DGKA: variants seen among roughly 807,000 people sequenced by gnomAD.
DGKA encodes 80 kDa diacylglycerol kinase.
A neutral mutation model predicts 105.0 loss-of-function variants in DGKA; 35 were observed. The ratio of observed to expected loss-of-function variants is 0.33; its 90% CI spans 0.25 to 0.44. The LOEUF is 0.44. DGKA is among the 20% of genes least tolerant of loss of function. The pLI is 1.00. For missense variants in DGKA, 665 were observed against 915.0 expected (o/e 0.73, Z 3.53); for synonymous variants, 296 against 332.0 (o/e 0.89, Z 1.18).
At position 55,932,288 on chromosome 12, in the gene DGKA, G is replaced by T. The variant is rs2136283304; in HGVS notation, c.-82+944G>T. ...GAAGGGTCTGCGCTGGGACGCGGGG[G>T]TGCAGCGGGAGGGCTGGGCCCGAAC... On this transcript the variant is annotated intron_variant, in intron 1 of 23. Transcript: ENST00000331886. This position sits in a 1 kb window ranked among gnomAD's most constrained non-coding sequence, Gnocchi z 4.3. 7.5e-6 allele frequency: 4 copies of T among 530,398 alleles called. No homozygotes were observed. The highest frequency in any genetic ancestry group is 3.2e-5 in the East Asian group (1 of 30,790). The allele number at this position is 530,398 out of a possible 1,614,324, so 32.9% of individuals were successfully genotyped here.
chr12:55,953,866 C>A lies in DGKA; in HGVS notation c.*98C>A. 2 of 1,066,422 alleles carry A rather than the reference C, an allele frequency of 1.9e-6. No individual in the cohort carries two copies. The highest frequency in any genetic ancestry group is 1.4e-6 in the Non-Finnish European group (1 of 706,666). 66.1% of individuals were successfully genotyped at this position (1,066,422 alleles called of 1,614,324 possible). A position where few individuals can be genotyped will look rare whatever the true frequency, so the allele number is the denominator to read the frequency against. On this transcript the variant is annotated 3_prime_UTR_variant, in exon 24 of 24. Coordinates refer to ENST00000331886, the MANE Select transcript of DGKA (RefSeq NM_001345.5). Reference sequence around the variant, plus strand: ...GTACATTGCTGCCACATACTCCTGCCAGCTTGGGGGAGTGTTCCTTCACCC... The same window carrying A: ...GTACATTGCTGCCACATACTCCTGCAAGCTTGGGGGAGTGTTCCTTCACCC...
chr12:55,936,669 G>A (rs769211801), intron 2 of DGKA, 102 bp downstream of exon 2: 22 of 1,514,076 alleles, frequency 1.5e-5, no homozygotes, highest in Non-Finnish European at 2.0e-5. Flanking sequence ...CAGTGGCTTT[G>A]AGCAGTGTGC....
intron 5 of DGKA, 89 bp from the exon 6 acceptor site, chr12:55,938,422 C>T: frequency 1.9e-6 from 3 of 1,549,686 alleles, no homozygotes; most frequent in Non-Finnish European, 2.7e-6. Context: ...AAAGCTCTCT[C>T]CCTGTCTCTT....
At position 55,952,895 on chromosome 12, in the gene DGKA, C is replaced by T. The variant is rs142280329; in HGVS notation, c.1905C>T (p.Val635=). The change falls in exon 21 of 24, where the codon GTC becomes GTT. Residue 635 remains valine (V), a synonymous_variant. Coordinates refer to ENST00000331886, the MANE Select transcript of DGKA (RefSeq NM_001345.5). The surrounding 1 kb of genome is among the most constrained non-coding windows in gnomAD (Gnocchi z 5.1). ...INQALGATAK[V]ITDPDILKTC... Reference sequence around the variant, plus strand: ...AGGCCTTAGGTGCTACAGCTAAAGTCATCACCGACCCTGATATCCTGAAAA... The same window carrying T: ...AGGCCTTAGGTGCTACAGCTAAAGTTATCACCGACCCTGATATCCTGAAAA... 2.9e-4 allele frequency: 467 copies of T among 1,614,168 alleles called. 6 individuals carry two copies. The Admixed American group carries it at 7.2e-3, about 25-fold the overall frequency.
Position 55,953,822 on chromosome 12 carries a change from A to C in DGKA, c.*54A>C. On this transcript the variant is annotated 3_prime_UTR_variant, in exon 24 of 24. Coordinates refer to ENST00000331886, the MANE Select transcript of DGKA (RefSeq NM_001345.5). Reference sequence around the variant, plus strand: ...CTTGAACCCACCTCCCTGTCCCTGGACTCTACTCCCGAGGCTCTGTACATT... The same window carrying C: ...CTTGAACCCACCTCCCTGTCCCTGGCCTCTACTCCCGAGGCTCTGTACATT... 1 of 1,511,982 alleles carries C rather than the reference A, an allele frequency of 6.6e-7. No individual in the cohort carries two copies. 93.7% of individuals were successfully genotyped at this position (1,511,982 alleles called of 1,614,324 possible). A position where few individuals can be genotyped will look rare whatever the true frequency, so the allele number is the denominator to read the frequency against.
In DGKA at chr12:55,951,684, T is replaced by C. The variant is rs778034102; in HGVS notation, c.1488T>C (p.His496=). The C allele has an allele frequency of 6.2e-7, 1 of 1,613,984 alleles. No homozygotes were observed. Among genetic ancestry groups the C allele is most frequent in the Non-Finnish European group, 8.5e-7 (1 of 1,180,008 alleles). The change falls in exon 18 of 24, where the codon CAT becomes CAC. Residue 496 remains histidine (H), a synonymous_variant. Transcript: ENST00000331886. The part of the protein sequence containing the change: ...LKDLEMSKVV[H]MDRWSVEVIP... ...ATTTAGAGATGAGTAAAGTGGTACATATGGATCGATGGTCTGTGGAGGTGA... is the reference window on the plus strand; with the variant it reads ...ATTTAGAGATGAGTAAAGTGGTACACATGGATCGATGGTCTGTGGAGGTGA...
Position 55,941,344 on chromosome 12 carries a change from G to A in DGKA, c.1175+19G>A, listed in dbSNP as rs944012833. ...GGCAAAGGTGAGGAGAAATATATTGGGTCTTCTAAGATGAGAGGCAGGGCC... is the reference window on the plus strand; with the variant it reads ...GGCAAAGGTGAGGAGAAATATATTGAGTCTTCTAAGATGAGAGGCAGGGCC... On this transcript the variant is annotated intron_variant, in intron 14 of 23. Coordinates refer to ENST00000331886, the MANE Select transcript of DGKA (RefSeq NM_001345.5). 1.7e-5 allele frequency: 28 copies of A among 1,611,470 alleles called. No individual in the cohort carries two copies. Among genetic ancestry groups the A allele is most frequent in the East Asian group, 6.7e-5 (3 of 44,842 alleles).
intron 22 of DGKA, 34 bp from the exon 23 acceptor site, chr12:55,953,316 A>G (rs1888539384): frequency 1.2e-6 from 2 of 1,613,088 alleles, no homozygotes; most frequent in African/African-American, 1.3e-5. Flanking sequence ...TTCGATTGGT[A>G]AGGAAATCAC....
upstream of DGKA, chr12:55,927,753 A>G (rs528602135): frequency 6.5e-7 from 1 of 1,539,644 alleles, no homozygotes; most frequent in South Asian, 1.2e-5. Context: ...GGCTGCCGGC[A>G]GCTTCCATGG....
At chr12:55,943,076 A>G (rs897493361) in intron 17 of DGKA, among the ~76,000 whole-genome samples, 1 of 152,170 alleles carries the variant, frequency 6.6e-6, no homozygotes, top group African/African-American at 2.4e-5. Flanking sequence ...GGTTATGAAT[A>G]CTGTGCCAGG....
intron 2 of DGKA, 102 bp downstream of exon 2, chr12:55,936,669 G>T: frequency 6.6e-7 from 1 of 1,514,194 alleles, no homozygotes; most frequent in South Asian, 1.1e-5. Context: ...CAGTGGCTTT[G>T]AGCAGTGTGC....
Position 55,952,826 on chromosome 12 carries a change from G to C in DGKA, c.1836G>C (p.Trp612Cys). The C allele has an allele frequency of 6.2e-7, 1 of 1,614,124 alleles. No individual in the cohort carries two copies. Among genetic ancestry groups the C allele is most frequent in the Admixed American group, 1.7e-5 (1 of 60,016 alleles). ...GCATGCATGGTGGCTCCAACCTCTG[G>C]GGTGATACCAGGAGACCCCATGGGG... ...IPSMHGGSNL[W>C]GDTRRPHGDI... Residue 612 changes from tryptophan to cysteine, a missense_variant, in exon 21 of 24, where the codon TGG (tryptophan) becomes TGC (cysteine). This residue lies in a region of DGKA where 158 missense variants were observed against 213.4 expected (regional missense o/e 0.74). Transcript: ENST00000331886. The surrounding 1 kb of genome is among the most constrained non-coding windows in gnomAD (Gnocchi z 5.1).
chr12:55,928,001 G>A (rs1883229424), upstream of DGKA: 1 of 547,018 alleles, frequency 1.8e-6, no homozygotes, highest in Non-Finnish European at 3.2e-6. Context: ...TCTAAAGCGG[G>A]GCAACTCGCC....
Position 55,940,404 on chromosome 12 carries a change from G to C in DGKA, c.889G>C (p.Gly297Arg). ...GATCCGGATCTACCACAGTCTGACC[G>C]GGCTGCATTGTGTATGGTGCCACCT... ...KKIRIYHSLTGLHCVWCHLEI... is the reference protein window; with the variant it reads ...KKIRIYHSLTRLHCVWCHLEI... The change falls in exon 11 of 24, where the codon GGG (glycine) becomes CGG (arginine). Residue 297 changes from glycine to arginine, a missense_variant. Physicochemically the swap from Gly to Arg is moderately radical, Grantham distance 125 (BLOSUM62 -2). Coordinates refer to ENST00000331886, the MANE Select transcript of DGKA (RefSeq NM_001345.5). The surrounding 1 kb of genome is among the most constrained non-coding windows in gnomAD (Gnocchi z 4.3). 2 of 1,614,230 alleles carry C rather than the reference G, an allele frequency of 1.2e-6. No homozygotes were observed. The highest frequency in any genetic ancestry group is 1.7e-6 in the Non-Finnish European group (2 of 1,180,044).
chr12:55,928,943 G>A (rs1354798983), upstream of DGKA, among the ~76,000 whole-genome samples: 2 of 151,896 alleles, frequency 1.3e-5, no homozygotes, highest in African/African-American at 4.8e-5. Context: ...ATCACTTGAG[G>A]TCAGGAGTTC....
rs542390396 is a variant in DGKA at position 55,953,019 on chromosome 12, T to A, written c.1943-21T>A. The A allele has an allele frequency of 2.5e-6, 4 of 1,614,194 alleles. No individual in the cohort carries two copies. The African/African-American group carries it at 4.0e-5, about 16-fold the overall frequency. Reference sequence around the variant, plus strand: ...GGGATACCCTGTTTATGTAAAACTTTACTCCCTACTTCGTCCCCAGACCTA... The same window carrying A: ...GGGATACCCTGTTTATGTAAAACTTAACTCCCTACTTCGTCCCCAGACCTA... On this transcript the variant is annotated intron_variant, in intron 21 of 23. Transcript: ENST00000331886.
rs1249608666 is a variant in DGKA at position 55,932,577 on chromosome 12, TGAGG to T, written c.-82+1234_-82+1237del. Reference sequence around the variant, plus strand: ...CCTTGATAGGAGAAATGAGCCTTCCTGAGGAAGAATGGCAAATATTACTGGGCAT... The same window carrying T: ...CCTTGATAGGAGAAATGAGCCTTCCTAAGAATGGCAAATATTACTGGGCAT... On this transcript the variant is annotated intron_variant, in intron 1 of 23. Coordinates refer to ENST00000331886, the MANE Select transcript of DGKA (RefSeq NM_001345.5). The surrounding 1 kb of genome is among the most constrained non-coding windows in gnomAD (Gnocchi z 4.3). 7 of 702,318 alleles carry T rather than the reference TGAGG, an allele frequency of 1.0e-5. No homozygotes were observed. The highest frequency in any genetic ancestry group is 2.3e-4 in the Middle Eastern group (1 of 4,364). 43.5% of individuals were successfully genotyped at this position (702,318 alleles called of 1,614,324 possible).
At chr12:55,939,150 A>G (rs540098082) in intron 7 of DGKA, 36 bp from the exon 8 acceptor site, 1 of 1,610,594 alleles carries the variant, frequency 6.2e-7, no homozygotes, top group South Asian at 1.1e-5. Context: ...CTGAAGACCC[A>G]CTCATACTGA....
At chr12:55,927,888 C>A (rs1883226574), upstream of DGKA, 1 of 1,248,854 alleles carries the variant, frequency 8.0e-7, no homozygotes, top group South Asian at 1.5e-5. Context: ...ACCTCCTAAC[C>A]CTGAGTGCCT....
Sources: gnomAD v4.1 joint callset for allele counts (sites outside exome capture counted in the v4.1 genomes callset) on GRCh38, gnomAD v4.1.1 for gene constraint, gnomAD v4.1.1 regional missense constraint, Gnocchi (gnomAD v3.1) non-coding constraint, MANE v1.5 for transcripts, NCBI Gene and HGNC (gene_info 2026-07-23, HGNC 2026-07-21) for gene names.